The following ITPR2 variants were observed in gnomAD, a reference collection of about 807,000 sequenced individuals.
ITPR2 encodes the protein inositol 1,4,5-trisphosphate receptor type 2.
In ITPR2, 207 loss-of-function variants were observed where a neutral mutation model predicts 317.1. That is an observed-to-expected ratio of 0.65 (90% CI 0.58 to 0.73). The LOEUF is 0.73. ITPR2 is among the 30% of genes least tolerant of loss of function. The probability of loss-of-function intolerance (pLI) is 0.00; values close to 1 mark genes in which losing one functional copy is unlikely to be tolerated. For synonymous variants in ITPR2, 1,156 were observed against 1,149.1 expected (o/e 1.01, Z -0.12); for missense variants, 2,613 against 3,284.0 (o/e 0.80, Z 4.99).
At chr12:26,393,706 T>A (rs187712657) in intron 54 of ITPR2, among the ~76,000 whole-genome samples, 1 of 152,352 alleles carries the variant, frequency 6.6e-6, no homozygotes, top group Admixed American at 6.5e-5. Flanking sequence ...TGAATAAACA[T>A]GAAGCTTCTA....
intron 26 of ITPR2, among the ~76,000 whole-genome samples, chr12:26,618,430 AT>A (rs1415762664): frequency 6.6e-6 from 1 of 152,246 alleles, no homozygotes; most frequent in Non-Finnish European, 1.5e-5. Context: ...AAAATGGCAA[AT>A]AAACATTAAA....
chr12:26,832,809 C>G lies in ITPR2; in HGVS notation c.-28G>C. 6.5e-7 allele frequency: 1 copy of G among 1,532,802 alleles called. No individual in the cohort carries two copies. The highest frequency in any genetic ancestry group is 1.1e-5 in the South Asian group (1 of 87,754). The allele number at this position is 1,532,802 out of a possible 1,614,324, so 95.0% of individuals were successfully genotyped here. A position where few individuals can be genotyped will look rare whatever the true frequency, so the allele number is the denominator to read the frequency against. ...TGCTTCATGTTCCACAGTGGACGTC[C>G]CTCTTCTTCCCTGCGCCCTCGCCGC... On this transcript the variant is annotated 5_prime_UTR_variant, in exon 1 of 57. Transcript: ENST00000381340.
intron 1 of ITPR2, among the ~76,000 whole-genome samples, chr12:26,811,707 A>T (rs1261546899): frequency 1.4e-5 from 2 of 142,466 alleles, no homozygotes; most frequent in Admixed American, 7.0e-5. Flanking sequence ...AAAAAAAATT[A>T]GCCGGGCGTG....
At chr12:26,784,894 G>C (rs1447567936) in intron 2 of ITPR2, among the ~76,000 whole-genome samples, 3 of 96,358 alleles carry the variant, frequency 3.1e-5, no homozygotes, top group African/African-American at 7.1e-5. Flanking sequence ...TCTAGGAAGC[G>C]AGGAGCACCT....
chr12:26,494,944 TTAAC>T (rs950789183), intron 38 of ITPR2, among the ~76,000 whole-genome samples: 2 of 152,166 alleles, frequency 1.3e-5, no homozygotes, highest in Admixed American at 6.5e-5. Flanking sequence ...ATAACTTAGT[TTAAC>T]TATTTTTCCA....
Position 26,498,605 on chromosome 12 carries a change from C to A in ITPR2, c.5074-3345G>T, listed in dbSNP as rs182221434. Among the ~76,000 whole-genome samples the A allele has an allele frequency of 2.0e-4, 31 of 152,256 alleles. 1 individual carries two copies. The highest frequency in any genetic ancestry group is 1.5e-3 in the Admixed American group (23 of 15,294). On this transcript the variant is annotated intron_variant, in intron 37 of 56. Transcript: ENST00000381340. ...GCACTCATTTTTTTAAAGAGTAGCTCAGTTTGTTGTACTATTCATGGATCT... is the reference window on the plus strand; with the variant it reads ...GCACTCATTTTTTTAAAGAGTAGCTAAGTTTGTTGTACTATTCATGGATCT...
At chr12:26,603,918 A>G (rs1044053530) in intron 26 of ITPR2, among the ~76,000 whole-genome samples, 15 of 152,146 alleles carry the variant, frequency 9.9e-5, no homozygotes, top group Admixed American at 9.8e-4. Context: ...TCTATTCAAA[A>G]TTGCACTTGG....
chr12:26,728,555 A>G (rs988915667), intron 2 of ITPR2, among the ~76,000 whole-genome samples: 1 of 152,208 alleles, frequency 6.6e-6, no homozygotes, highest in Non-Finnish European at 1.5e-5. Context: ...TGGGGCACAC[A>G]CAGACTTCTG....
At chr12:26,560,377 G>T (rs1184359516) in intron 35 of ITPR2, among the ~76,000 whole-genome samples, 1 of 151,822 alleles carries the variant, frequency 6.6e-6, no homozygotes, top group Non-Finnish European at 1.5e-5. Context: ...TTCAAATATA[G>T]ACTTAACTTC....
chr12:26,368,383 T>G (rs1185630300), intron 55 of ITPR2, among the ~76,000 whole-genome samples: 3 of 152,246 alleles, frequency 2.0e-5, no homozygotes, highest in Admixed American at 6.5e-5. Flanking sequence ...CAGGTTCCAT[T>G]GAATATGTGT....
intron 48 of ITPR2, among the ~76,000 whole-genome samples, chr12:26,435,610 T>C (rs562241605): frequency 6.6e-6 from 1 of 152,324 alleles, no homozygotes; most frequent in South Asian, 2.1e-4. Context: ...TATTTCTCAT[T>C]TCCACCTAAA....
intron 13 of ITPR2, among the ~76,000 whole-genome samples, chr12:26,677,865 G>A (rs963643485): frequency 2.0e-5 from 3 of 152,148 alleles, no homozygotes; most frequent in African/African-American, 7.2e-5. Context: ...ATGTTGCTCA[G>A]AGAAGCAACA....
intron 45 of ITPR2, among the ~76,000 whole-genome samples, chr12:26,472,080 T>G (rs975236979): frequency 2.0e-5 from 3 of 152,152 alleles, no homozygotes; most frequent in Admixed American, 6.5e-5. Context: ...CTTCTGTGAG[T>G]GAAAGCTCAT....
chr12:26,659,241 G>C lies in ITPR2; in HGVS notation c.1758C>G (p.Gly586=). 6.2e-7 allele frequency: 1 copy of C among 1,613,636 alleles called. No homozygotes were observed. Among genetic ancestry groups the C allele is most frequent in the African/African-American group, 1.3e-5 (1 of 75,024 alleles). The change falls in exon 16 of 57, where the codon GGC becomes GGG. Residue 586 remains glycine (G), a synonymous_variant. Coordinates refer to ENST00000381340, the MANE Select transcript of ITPR2 (RefSeq NM_002223.4). ...TAGTATCTTCTGCCAAAATATCATA[G>C]CCAATCTGGGACTGCATGACACAGA... is the stretch of plus-strand genomic sequence containing the variant. ...KNFCVMQSQI[G]YDILAEDTIT...
intron 55 of ITPR2, among the ~76,000 whole-genome samples, chr12:26,382,976 T>G (rs1184535459): frequency 6.6e-6 from 1 of 152,206 alleles, no homozygotes; most frequent in Non-Finnish European, 1.5e-5. Flanking sequence ...CCAAACCTCA[T>G]GTTGAAATTT....
intron 11 of ITPR2, among the ~76,000 whole-genome samples, chr12:26,683,191 A>C (rs939403102): frequency 2.0e-5 from 3 of 152,120 alleles, no homozygotes; most frequent in African/African-American, 7.2e-5. Context: ...TGTTCGGTAA[A>C]ATTTATTTGT....
At chr12:26,419,421 CT>C in intron 49 of ITPR2, 1 of 488,528 alleles carries the variant, frequency 2.0e-6, no homozygotes, top group Non-Finnish European at 3.6e-6. Context: ...TTCAGCATTG[CT>C]TACAAACTGG....
chr12:26,392,712 G>A (rs1488910418), intron 54 of ITPR2, among the ~76,000 whole-genome samples: 34 of 152,206 alleles, frequency 2.2e-4, no homozygotes, highest in Non-Finnish European at 4.6e-4. Flanking sequence ...AGAAGAAGGA[G>A]AAATCAGTAA....
intron 21 of ITPR2, among the ~76,000 whole-genome samples, chr12:26,638,514 G>T (rs1173603783): frequency 6.6e-6 from 1 of 152,146 alleles, no homozygotes; most frequent in Non-Finnish European, 1.5e-5. Flanking sequence ...CGATGCTCTT[G>T]ATTTCTCACA....
Sources: gnomAD v4.1 joint callset for allele counts (sites outside exome capture counted in the v4.1 genomes callset) on GRCh38, gnomAD v4.1.1 for gene constraint, MANE v1.5 for transcripts, NCBI Gene and HGNC (gene_info 2026-07-23, HGNC 2026-07-21) for gene names.